GRM8: variants seen among roughly 807,000 people sequenced by gnomAD.
The protein encoded by GRM8 is metabotropic glutamate receptor 8.
A neutral mutation model predicts 87.2 loss-of-function variants in GRM8; 47 were observed. That is an observed-to-expected ratio of 0.54 (90% CI 0.43 to 0.69). The LOEUF (loss-of-function observed/expected upper bound fraction) is 0.69. Ranked by LOEUF, GRM8 falls within the 30% of genes least tolerant of loss-of-function variation. The pLI is 0.00. For missense variants in GRM8, 1,019 were observed against 1,139.2 expected, an observed-to-expected ratio of 0.89 and a Z score of 1.52; for synonymous variants, 396 against 404.5, an observed-to-expected ratio of 0.98 and a Z score of 0.25.
intron 7 of GRM8, among the ~76,000 whole-genome samples, chr7:126,756,575 A>T (rs892831749): frequency 6.6e-6 from 1 of 152,120 alleles, no homozygotes; most frequent in Non-Finnish European, 1.5e-5. Flanking sequence ...ACTCAATAAT[A>T]GTAAGATGAA....
At chr7:127,201,698 C>T (rs1260966441) in intron 2 of GRM8, among the ~76,000 whole-genome samples, 3 of 152,268 alleles carry the variant, frequency 2.0e-5, no homozygotes, top group Admixed American at 6.5e-5. Flanking sequence ...AATTTACCCA[C>T]TTTTGGAATA....
chr7:126,639,488 C>CA (rs1001873846), intron 7 of GRM8, among the ~76,000 whole-genome samples: 18 of 152,194 alleles, frequency 1.2e-4, no homozygotes, highest in African/African-American at 4.1e-4. Flanking sequence ...TTGTACCTTT[C>CA]TGATAGTTTT....
At chr7:127,091,522 A>T (rs1239062725) in intron 3 of GRM8, among the ~76,000 whole-genome samples, 3 of 44,290 alleles carry the variant, frequency 6.8e-5, no homozygotes. Context: ...CCCACTGGTC[A>T]TCCCCCCCAC....
chr7:126,595,986 T>C (rs1305814884), intron 8 of GRM8, among the ~76,000 whole-genome samples: 5 of 152,040 alleles, frequency 3.3e-5, no homozygotes, highest in African/African-American at 1.2e-4. Context: ...AAGATACAAA[T>C]ATCAGATGGG....
intron 9 of GRM8, among the ~76,000 whole-genome samples, chr7:126,446,835 T>C (rs10252001): frequency 6.6e-6 from 1 of 151,642 alleles, no homozygotes; most frequent in African/African-American, 2.4e-5. Flanking sequence ...ATTACACACC[T>C]GTGCTTGAAT....
chr7:126,566,623 G>T (rs972833947), intron 8 of GRM8, among the ~76,000 whole-genome samples: 2 of 152,088 alleles, frequency 1.3e-5, no homozygotes, highest in East Asian at 3.9e-4. Flanking sequence ...CAGCATGGAG[G>T]TTCCTCAAAA....
chr7:127,227,631 T>C (rs1267396376), intron 2 of GRM8, among the ~76,000 whole-genome samples: 1 of 152,184 alleles, frequency 6.6e-6, no homozygotes, highest in African/African-American at 2.4e-5. Context: ...CATCCTGCCA[T>C]CAGCTTCAAA....
At chr7:127,134,390 A>AT (rs1827846003) in intron 2 of GRM8, among the ~76,000 whole-genome samples, 1 of 152,324 alleles carries the variant, frequency 6.6e-6, no homozygotes, top group East Asian at 1.9e-4. Flanking sequence ...CTTGTTACAG[A>AT]TCTCACCTCC....
intron 6 of GRM8, among the ~76,000 whole-genome samples, chr7:126,857,913 C>CA (rs1485677465): frequency 1.3e-5 from 2 of 152,000 alleles, no homozygotes; most frequent in Non-Finnish European, 2.9e-5. Flanking sequence ...CCTGCCACTA[C>CA]ATTTCCAGCC....
intron 6 of GRM8, among the ~76,000 whole-genome samples, chr7:126,773,313 T>C (rs1447070796): frequency 3.3e-5 from 5 of 152,022 alleles, no homozygotes; most frequent in Non-Finnish European, 2.9e-5. Flanking sequence ...TACTGCAGGG[T>C]GGTGAAGGGT....
chr7:127,110,607 C>T (rs1826255698), intron 2 of GRM8, among the ~76,000 whole-genome samples: 1 of 150,416 alleles, frequency 6.6e-6, no homozygotes, highest in South Asian at 2.1e-4. Context: ...CACTCATCAT[C>T]CTCTTTTTTT....
At chr7:127,042,851 T>C (rs1818554319) in intron 3 of GRM8, among the ~76,000 whole-genome samples, 1 of 152,172 alleles carries the variant, frequency 6.6e-6, no homozygotes, top group South Asian at 2.1e-4. Flanking sequence ...AGAAACTTTT[T>C]GCAATCTACT....
At chr7:126,607,323 G>A (rs2151093291) in intron 8 of GRM8, among the ~76,000 whole-genome samples, 1 of 152,274 alleles carries the variant, frequency 6.6e-6, no homozygotes, top group African/African-American at 2.4e-5. Context: ...ATGCATAGCT[G>A]CAATAATTAT....
At chr7:127,189,731 C>T (rs1794920931) in intron 2 of GRM8, among the ~76,000 whole-genome samples, 1 of 152,192 alleles carries the variant, frequency 6.6e-6, no homozygotes. Flanking sequence ...TCATGAACAA[C>T]TGAGCCTTAC....
intron 9 of GRM8, among the ~76,000 whole-genome samples, chr7:126,506,229 TTGTG>T (rs777722039): frequency 4.0e-5 from 6 of 151,394 alleles, no homozygotes; most frequent in Non-Finnish European, 5.9e-5. Flanking sequence ...ACACGTATGA[TTGTG>T]TGTGTGTGTG....
At chr7:126,872,133 T>C (rs1203358017) in intron 6 of GRM8, among the ~76,000 whole-genome samples, 5 of 152,192 alleles carry the variant, frequency 3.3e-5, no homozygotes, top group African/African-American at 1.2e-4. Context: ...GATCTTTGCA[T>C]GTGCATAGGA....
In GRM8 at chr7:127,044,707, A is replaced by G. The variant is rs10249354; in HGVS notation, c.727+61789T>C. Among the ~76,000 whole-genome samples the G allele has an allele frequency of 3.1e-3, 473 of 152,224 alleles. 4 individuals carry two copies. Among genetic ancestry groups the G allele is most frequent in the African/African-American group, 0.011 (458 of 41,536 alleles). On this transcript the variant is annotated intron_variant, in intron 3 of 10. Transcript: ENST00000339582. ...TGTCAGGCAGGCTGAGGGCAATATA[A>G]TGATTTTGCAGGGAGGTAATTAAAT...
chr7:127,099,480 A>G (rs866488297), intron 3 of GRM8, among the ~76,000 whole-genome samples: 3 of 152,316 alleles, frequency 2.0e-5, no homozygotes, highest in African/African-American at 7.2e-5. Context: ...TTGTGATCCT[A>G]CTGGGAGCTC....
At chr7:126,589,649 C>T (rs1203089206) in intron 8 of GRM8, among the ~76,000 whole-genome samples, 2 of 152,192 alleles carry the variant, frequency 1.3e-5, no homozygotes, top group Non-Finnish European at 2.9e-5. Flanking sequence ...AGTGCCACCT[C>T]CTGGCAAGAG....
Sources: gnomAD v4.1 joint callset for allele counts (sites outside exome capture counted in the v4.1 genomes callset) on GRCh38, gnomAD v4.1.1 for gene constraint, MANE v1.5 for transcripts, NCBI Gene and HGNC (gene_info 2026-07-23, HGNC 2026-07-21) for gene names.